The following DACH2 variants were observed in gnomAD, a reference collection of about 807,000 sequenced individuals.
The protein encoded by DACH2 is dachshund homolog 2.
A neutral mutation model predicts 35.8 loss-of-function variants in DACH2; 17 were observed. The ratio of observed to expected loss-of-function variants is 0.48; its 90% CI spans 0.33 to 0.71. The LOEUF (loss-of-function observed/expected upper bound fraction) is 0.71, where lower values mean the gene tolerates loss of function less well. DACH2 is among the 30% of genes least tolerant of loss of function. The pLI, the probability that DACH2 is intolerant of heterozygous loss-of-function variation, is 0.02. For missense variants in DACH2, 469 were observed against 472.7 expected, an observed-to-expected ratio of 0.99 and a Z score of 0.07; for synonymous variants, 195 against 177.3, an observed-to-expected ratio of 1.10 and a Z score of -0.79.
chrX:86,423,988 C>A (rs2036849498), intron 2 of DACH2, among the ~76,000 whole-genome samples: 1 of 110,904 alleles, frequency 9.0e-6, no homozygotes, highest in African/African-American at 3.3e-5. Context: ...AAAATGAGTT[C>A]ACTGTAGGTG....
chrX:86,812,505 G>C (rs1267196547), intron 7 of DACH2, among the ~76,000 whole-genome samples: 1 of 111,679 alleles, frequency 9.0e-6, no homozygotes, highest in African/African-American at 3.3e-5. Context: ...TTGATTAATA[G>C]ATTTAGAGAG....
chrX:86,162,341 TTTGGGAATGAACA>T (rs1346124598), intron 1 of DACH2, among the ~76,000 whole-genome samples: 15 of 110,865 alleles, frequency 1.4e-4, no homozygotes, highest in Non-Finnish European at 2.5e-4. Flanking sequence ...TGGAGTTCTA[TTTGGGAATGAACA>T]AAGGAATGAA....
At chrX:86,718,716 A>G (rs999951162) in intron 6 of DACH2, among the ~76,000 whole-genome samples, 9 of 111,678 alleles carry the variant, frequency 8.1e-5, no homozygotes, top group South Asian at 3.7e-4. Context: ...GTTTCCCAGC[A>G]CCATTTGTTG....
intron 2 of DACH2, among the ~76,000 whole-genome samples, chrX:86,453,905 G>A (rs2037427544): frequency 1.8e-5 from 2 of 111,701 alleles, no homozygotes; most frequent in South Asian, 7.3e-4. Context: ...TGTTTCTGTA[G>A]TGGCTGGTAA....
intron 2 of DACH2, among the ~76,000 whole-genome samples, chrX:86,445,991 C>G (rs2037266552): frequency 9.0e-6 from 1 of 111,525 alleles, no homozygotes; most frequent in African/African-American, 3.3e-5. Flanking sequence ...CAATCTCTCC[C>G]TTAAGAACTA....
chrX:86,307,039 C>T (rs748569085), intron 1 of DACH2, among the ~76,000 whole-genome samples: 1 of 111,933 alleles, frequency 8.9e-6, no homozygotes, highest in Admixed American at 9.5e-5. Flanking sequence ...GCATTTGACA[C>T]TCCTGATTCA....
At chrX:86,723,161 A>G (rs2041426485) in intron 6 of DACH2, among the ~76,000 whole-genome samples, 1 of 111,456 alleles carries the variant, frequency 9.0e-6, no homozygotes. Context: ...CTGTGGAATC[A>G]ATTGTAATGT....
At chrX:86,759,954 C>G (rs1380415505) in intron 7 of DACH2, among the ~76,000 whole-genome samples, 1 of 111,867 alleles carries the variant, frequency 8.9e-6, no homozygotes, top group Non-Finnish European at 1.9e-5. Flanking sequence ...ATTATTTCTT[C>G]TTAATATATG....
intron 7 of DACH2, among the ~76,000 whole-genome samples, chrX:86,766,439 T>A (rs1407044086): frequency 1.8e-5 from 2 of 111,805 alleles, no homozygotes; most frequent in African/African-American, 6.5e-5. Flanking sequence ...AACAGCGTGA[T>A]GTCAGTGAAT....
chrX:86,292,881 G>C (rs766357932), intron 1 of DACH2, among the ~76,000 whole-genome samples: 1 of 107,169 alleles, frequency 9.3e-6, no homozygotes, highest in East Asian at 3.0e-4. Context: ...GTGGTGTGGT[G>C]CTGAAGAAAA....
chrX:86,593,674 G>A (rs1050521948), intron 3 of DACH2, among the ~76,000 whole-genome samples: 9 of 110,105 alleles, frequency 8.2e-5, no homozygotes, highest in Non-Finnish European at 1.5e-4. Context: ...TCATCTGCCC[G>A]CCTCAGCCTC....
chrX:86,737,932 T>G (rs1476535733), intron 6 of DACH2, among the ~76,000 whole-genome samples: 1 of 110,920 alleles, frequency 9.0e-6, no homozygotes, highest in Non-Finnish European at 1.9e-5. Context: ...CCTCTAGAAG[T>G]GCCCAATGTT....
At chrX:86,770,150 A>T (rs757761978) in intron 7 of DACH2, among the ~76,000 whole-genome samples, 119 of 88,079 alleles carry the variant, frequency 1.4e-3, no homozygotes, top group Non-Finnish European at 2.3e-3. Flanking sequence ...TTCATCAATG[A>T]TGTAATAAGA....
chrX:86,163,460 G>A (rs2030836321), intron 1 of DACH2, among the ~76,000 whole-genome samples: 1 of 110,380 alleles, frequency 9.1e-6, no homozygotes. Flanking sequence ...TTAGGTTCAG[G>A]AATACCTGTG....
At chrX:86,560,462 T>C (rs61285401) in intron 3 of DACH2, among the ~76,000 whole-genome samples, 31,688 of 102,764 alleles carry the variant, frequency 0.31, 4,389 homozygotes, top group Middle Eastern at 0.47. Flanking sequence ...GCGTTCTCTG[T>C]ATTTCCTGAA....
At chrX:86,779,892 C>A (rs2042073230) in intron 7 of DACH2, among the ~76,000 whole-genome samples, 1 of 111,761 alleles carries the variant, frequency 8.9e-6, no homozygotes, top group African/African-American at 3.3e-5. Context: ...CCCACTGCCA[C>A]TGCCCCAATA....
chrX:86,402,534 CA>C (rs2036452941), intron 2 of DACH2, among the ~76,000 whole-genome samples: 1 of 111,007 alleles, frequency 9.0e-6, no homozygotes, highest in African/African-American at 3.3e-5. Flanking sequence ...TGAGAAATGA[CA>C]CAAATAAATG....
intron 3 of DACH2, among the ~76,000 whole-genome samples, chrX:86,583,641 G>GT (rs1156263276): frequency 8.2e-4 from 86 of 105,410 alleles, no homozygotes; most frequent in African/African-American, 2.8e-3. Context: ...TTTGTCAAAT[G>GT]TTTTTTTTCA....
At chrX:86,637,539 C>T (rs769896372) in intron 3 of DACH2, among the ~76,000 whole-genome samples, 6 of 111,686 alleles carry the variant, frequency 5.4e-5, no homozygotes, top group Non-Finnish European at 9.4e-5. Context: ...GAATACTATG[C>T]AGCCATAAAA....
Sources: allele counts gnomAD v4.1 joint callset (sites outside exome capture counted in the v4.1 genomes callset), GRCh38; gene constraint gnomAD v4.1.1; transcripts MANE v1.5; gene names NCBI Gene and HGNC (gene_info 2026-07-23, HGNC 2026-07-21).